MYDGF: variants seen among roughly 807,000 people sequenced by gnomAD.
The protein encoded by MYDGF is myeloid-derived growth factor.
Under a neutral mutation model 24.2 loss-of-function variants are expected in MYDGF, and 29 were observed. The observed-to-expected ratio is 1.20, with a 90% CI of 0.89 to 1.63. The LOEUF (loss-of-function observed/expected upper bound fraction) is 1.63, where lower values mean the gene tolerates loss of function less well. MYDGF is among the 40% of genes most tolerant of loss of function. The probability of loss-of-function intolerance (pLI) is 0.00; values close to 1 mark genes in which losing one functional copy is unlikely to be tolerated. For synonymous variants in MYDGF, 105 were observed against 102.5 expected (o/e 1.02, Z -0.15); for missense variants, 245 against 234.8 (o/e 1.04, Z -0.29).
intron 2 of MYDGF, 21 bp from the exon 3 acceptor site, chr19:4,664,958 G>T: frequency 6.2e-7 from 1 of 1,611,182 alleles, no homozygotes; most frequent in African/African-American, 1.3e-5. Flanking sequence ...AAGACAGCGC[G>T]GGTCAGCCCC....
chr19:4,660,090 C>G, intron 4 of MYDGF, 87 bp from the exon 5 acceptor site: 2 of 1,282,734 alleles, frequency 1.6e-6, no homozygotes, highest in Non-Finnish European at 2.3e-6. Context: ...CAGAGAAGCA[C>G]AGACTAAAGC....
chr19:4,663,246 C>T (rs372163279), intron 3 of MYDGF, among the ~76,000 whole-genome samples: 161 of 118,022 alleles, frequency 1.4e-3, no homozygotes, highest in Non-Finnish European at 1.8e-3. Context: ...ACCCTCCCCA[C>T]CCACCCCATC....
chr19:4,667,181 T>G (rs2088528626), intron 2 of MYDGF, among the ~76,000 whole-genome samples: 1 of 139,802 alleles, frequency 7.2e-6, no homozygotes, highest in African/African-American at 2.8e-5. Context: ...CAGGATGGAG[T>G]GCAGTGGCGC....
At chr19:4,664,128 C>T (rs2088502379) in intron 3 of MYDGF, among the ~76,000 whole-genome samples, 1 of 152,038 alleles carries the variant, frequency 6.6e-6, no homozygotes, top group Non-Finnish European at 1.5e-5. Flanking sequence ...AGGACACGCC[C>T]ATCCACAGAG....
intron 3 of MYDGF, among the ~76,000 whole-genome samples, chr19:4,663,351 T>G (rs1279102290): frequency 7.1e-6 from 1 of 140,534 alleles, no homozygotes; most frequent in East Asian, 2.3e-4. Context: ...CCATCCTCAT[T>G]CTACAGCATC....
intron 2 of MYDGF, among the ~76,000 whole-genome samples, chr19:4,665,684 A>G (rs112470196): frequency 0.25 from 37,364 of 151,748 alleles, 8,175 homozygotes; most frequent in African/African-American, 0.59. Flanking sequence ...AGCCGAGCGC[A>G]GTGGTGGGCG....
intron 3 of MYDGF, among the ~76,000 whole-genome samples, chr19:4,663,387 T>A (rs1354189339): frequency 9.0e-6 from 1 of 111,086 alleles, no homozygotes; most frequent in Middle Eastern, 7.1e-3. Context: ...ACCTACCCCA[T>A]CCTCATTCTA....
chr19:4,657,962 T>A lies in MYDGF; in HGVS notation c.*43A>T. 3 of 1,558,866 alleles carry A rather than the reference T, an allele frequency of 1.9e-6. No individual in the cohort carries two copies. The highest frequency in any genetic ancestry group is 1.7e-6 in the Non-Finnish European group (2 of 1,147,776). On this transcript the variant is annotated 3_prime_UTR_variant, in exon 6 of 6. Transcript: ENST00000262947. ...TTTCAGGGACACAGGCCCCTTCAGC[T>A]TCACCGGAGATGAGAAGGTGCCACC...
intron 1 of MYDGF, 78 bp downstream of exon 1, chr19:4,670,083 G>C: frequency 7.4e-7 from 1 of 1,343,674 alleles, no homozygotes. Flanking sequence ...CCCCCTCCTC[G>C]GGCCCCGCCC....
Position 4,658,007 on chromosome 19 carries a change from A to G in MYDGF, c.520T>C (p.Ter174ArgextTer14). ...GCCACCCGCAACAGGGCTGCTGGTC[A>G]CAGCTCAGTGCGCGATGCCTTGGCC... The part of the protein sequence containing the change: ...IVAKASRTEL[*>R] Residue 174 changes from the stop codon to arginine (R), a stop_lost, in exon 6 of 6, where the codon TGA becomes CGA. Coordinates refer to ENST00000262947, the MANE Select transcript of MYDGF (RefSeq NM_019107.4). The G allele has an allele frequency of 6.2e-7, 1 of 1,609,164 alleles. No individual in the cohort carries two copies. The highest frequency in any genetic ancestry group is 8.5e-7 in the Non-Finnish European group (1 of 1,178,564).
intron 5 of MYDGF, among the ~76,000 whole-genome samples, chr19:4,659,346 C>T (rs916304488): frequency 6.6e-6 from 1 of 152,118 alleles, no homozygotes; most frequent in African/African-American, 2.4e-5. Flanking sequence ...CAGCAATTCT[C>T]CTGAATAGCT....
chr19:4,661,505 T>C (rs552690109), intron 3 of MYDGF, among the ~76,000 whole-genome samples: 44 of 152,272 alleles, frequency 2.9e-4, no homozygotes, highest in African/African-American at 9.9e-4. Context: ...GAGGATCATC[T>C]GCCCAGGTCT....
At chr19:4,662,722 A>G (rs900024474) in intron 3 of MYDGF, among the ~76,000 whole-genome samples, 12 of 152,102 alleles carry the variant, frequency 7.9e-5, no homozygotes, top group Non-Finnish European at 1.3e-4. Context: ...CTGGTCCTTC[A>G]GAGAACATGC....
At chr19:4,664,580 C>T (rs1348004655) in intron 3 of MYDGF, among the ~76,000 whole-genome samples, 2 of 152,134 alleles carry the variant, frequency 1.3e-5, no homozygotes, top group Non-Finnish European at 2.9e-5. Flanking sequence ...CCTTCCTGGG[C>T]CCTGGTCCAC....
intron 3 of MYDGF, among the ~76,000 whole-genome samples, chr19:4,661,462 C>G (rs1002244509): frequency 1.3e-5 from 2 of 152,276 alleles, no homozygotes; most frequent in African/African-American, 4.8e-5. Context: ...AGGGCATTGA[C>G]TAGGAAGTAC....
intron 1 of MYDGF, 46 bp downstream of exon 1, chr19:4,670,115 C>T (rs777156701): frequency 1.0e-5 from 15 of 1,433,702 alleles, no homozygotes; most frequent in African/African-American, 1.5e-5. Flanking sequence ...CGCCCCCTCC[C>T]CGGGCCTGCC....
intron 2 of MYDGF, among the ~76,000 whole-genome samples, chr19:4,667,121 CTTTTTTTTT>C (rs57093750): frequency 2.0e-5 from 2 of 102,170 alleles, no homozygotes; most frequent in Non-Finnish European, 3.5e-5. Context: ...TCAAATCACC[CTTTTTTTTT>C]TTTTTTTTTT....
chr19:4,659,422 A>G (rs2088451590), intron 5 of MYDGF, among the ~76,000 whole-genome samples: 1 of 151,734 alleles, frequency 6.6e-6, no homozygotes. Context: ...ATGGGGTTTC[A>G]TTATGTTGGC....
At chr19:4,659,850 AC>A (rs1274818555) in intron 5 of MYDGF, 80 bp downstream of exon 5, 13 of 1,260,620 alleles carry the variant, frequency 1.0e-5, no homozygotes, top group Non-Finnish European at 1.4e-5. Flanking sequence ...CCTATGGCTG[AC>A]CCCCCTCTCC....
Sources: gnomAD v4.1 joint callset for allele counts (sites outside exome capture counted in the v4.1 genomes callset) on GRCh38, gnomAD v4.1.1 for gene constraint, MANE v1.5 for transcripts, NCBI Gene and HGNC (gene_info 2026-07-23, HGNC 2026-07-21) for gene names.